PAK3: variants seen among roughly 807,000 people sequenced by gnomAD.
PAK3 encodes serine/threonine-protein kinase PAK 3.
In PAK3, 4 loss-of-function variants were observed where a neutral mutation model predicts 41.0. That is an observed-to-expected ratio of 0.10 (90% CI 0.05 to 0.22). The LOEUF (loss-of-function observed/expected upper bound fraction) is 0.22, where lower values mean the gene tolerates loss of function less well. Ranked by LOEUF, PAK3 falls within the 10% of genes least tolerant of loss-of-function variation. PAK3 has a pLI of 1.00. For synonymous variants in PAK3, 146 were observed against 139.6 expected (o/e 1.05, Z -0.32); for missense variants, 205 against 409.9 (o/e 0.50, Z 4.32).
At chrX:111,104,334 CAG>C (rs1214613376) in intron 4 of PAK3, among the ~76,000 whole-genome samples, 1 of 109,114 alleles carries the variant, frequency 9.2e-6, no homozygotes, top group Non-Finnish European at 1.9e-5. Context: ...AAAAAAAAAA[CAG>C]AAAAACTAAA....
rs139098268 is a variant in PAK3 at position 111,122,454 on chromosome X, C to A, written c.-27-623C>A. ...AACATTTGCCCACCTTTATCTTCTGCCTGCTTGGGAGAATATGGAACATTG... is the reference window on the plus strand; with the variant it reads ...AACATTTGCCCACCTTTATCTTCTGACTGCTTGGGAGAATATGGAACATTG... On this transcript the variant is annotated intron_variant, in intron 4 of 17. Transcript: ENST00000372007. Among the ~76,000 whole-genome samples the A allele has an allele frequency of 8.2e-3, 893 of 108,584 alleles. 6 individuals carry two copies. Among genetic ancestry groups the A allele is most frequent in the Non-Finnish European group, 0.013 (676 of 52,404 alleles). The allele number at this position is 108,584 out of a possible 115,157, so 94.3% of individuals were successfully genotyped here.
At chrX:111,217,003 T>C (rs2094886781) in intron 17 of PAK3, 2 of 752,344 alleles carry the variant, frequency 2.7e-6, no homozygotes, top group African/African-American at 4.6e-5. Context: ...GGCAGGCACC[T>C]GCTTGCCTGG....
chrX:111,038,290 C>T (rs1416891477), intron 1 of PAK3, among the ~76,000 whole-genome samples: 1 of 112,074 alleles, frequency 8.9e-6, no homozygotes, highest in Non-Finnish European at 1.9e-5. Context: ...AATAGATTCA[C>T]GTTCAAATTC....
intron 1 of PAK3, among the ~76,000 whole-genome samples, chrX:111,049,091 A>G (rs2092529924): frequency 9.0e-6 from 1 of 111,512 alleles, no homozygotes; most frequent in Non-Finnish European, 1.9e-5. Flanking sequence ...TAACAAGCCA[A>G]TTAAGGCCTC....
chrX:110,980,325 G>A (rs769556694), intron 1 of PAK3, among the ~76,000 whole-genome samples: 30 of 111,850 alleles, frequency 2.7e-4, no homozygotes, highest in Non-Finnish European at 5.5e-4. Context: ...GGTCATTTGG[G>A]TGGTCATAGT....
intron 1 of PAK3, among the ~76,000 whole-genome samples, chrX:110,971,269 A>G (rs1208029665): frequency 8.9e-6 from 1 of 111,898 alleles, no homozygotes; most frequent in Non-Finnish European, 1.9e-5. Flanking sequence ...GCCATAAACA[A>G]CCACTAGTCT....
intron 16 of PAK3, among the ~76,000 whole-genome samples, chrX:111,214,748 A>T (rs1009986887): frequency 6.3e-5 from 7 of 111,084 alleles, no homozygotes; most frequent in Non-Finnish European, 7.5e-5. Flanking sequence ...AAAACAAGAG[A>T]TGTCTTCAAG....
chrX:111,147,650 G>A, intron 6 of PAK3, 87 bp from the exon 7 acceptor site: 2 of 655,642 alleles, frequency 3.1e-6, no homozygotes, highest in Non-Finnish European at 5.2e-6. Flanking sequence ...GGTAGCATGG[G>A]CTTCTTGGTG....
At chrX:111,040,661 C>A (rs2092444360) in intron 1 of PAK3, among the ~76,000 whole-genome samples, 1 of 111,578 alleles carries the variant, frequency 9.0e-6, no homozygotes, top group African/African-American at 3.3e-5. Flanking sequence ...AATAAGGAAA[C>A]CCCCATAAAG....
chrX:110,951,570 G>A (rs1197009105), intron 1 of PAK3, among the ~76,000 whole-genome samples: 2 of 111,933 alleles, frequency 1.8e-5, no homozygotes, highest in East Asian at 5.6e-4. Context: ...GACGTCTTCT[G>A]ATAATTCAGG....
At chrX:110,988,587 A>G (rs1438004252) in intron 1 of PAK3, among the ~76,000 whole-genome samples, 1 of 111,666 alleles carries the variant, frequency 9.0e-6, no homozygotes, top group Non-Finnish European at 1.9e-5. Flanking sequence ...TGAAATACTC[A>G]TTTCTTATTT....
intron 1 of PAK3, among the ~76,000 whole-genome samples, chrX:110,951,157 G>C (rs1033172198): frequency 9.0e-6 from 1 of 111,446 alleles, no homozygotes; most frequent in Non-Finnish European, 1.9e-5. Flanking sequence ...TCTGATAACT[G>C]GGTTCTCCTT....
upstream of PAK3, among the ~76,000 whole-genome samples, chrX:111,093,365 A>G (rs1260673529): frequency 2.7e-5 from 3 of 112,170 alleles, no homozygotes; most frequent in Admixed American, 2.8e-4. Context: ...CCTGAGAAGT[A>G]GGATACACAT....
At chrX:111,011,425 C>T (rs1013708218) in intron 1 of PAK3, among the ~76,000 whole-genome samples, 3 of 111,625 alleles carry the variant, frequency 2.7e-5, no homozygotes, top group Admixed American at 9.5e-5. Flanking sequence ...ATCTCCCTGG[C>T]ATGCAAGTGG....
intron 16 of PAK3, among the ~76,000 whole-genome samples, chrX:111,215,584 G>A (rs766540985): frequency 3.6e-5 from 4 of 111,564 alleles, no homozygotes; most frequent in South Asian, 3.8e-4. Flanking sequence ...TGAATTAATC[G>A]TAGTCCTGAG....
chrX:111,198,711 A>G (rs1400726391), intron 16 of PAK3, among the ~76,000 whole-genome samples: 1 of 110,531 alleles, frequency 9.0e-6, no homozygotes, highest in Non-Finnish European at 1.9e-5. Context: ...TACCAGTACC[A>G]TGCTGTTTTG....
chrX:111,077,868 C>T (rs759495190), intron 1 of PAK3, among the ~76,000 whole-genome samples: 1 of 111,494 alleles, frequency 9.0e-6, no homozygotes, highest in Admixed American at 9.5e-5. Flanking sequence ...TGACGAGACA[C>T]CCTATGGAAC....
intron 1 of PAK3, among the ~76,000 whole-genome samples, chrX:110,976,967 G>T (rs1262529510): frequency 9.2e-6 from 1 of 108,849 alleles, no homozygotes; most frequent in Non-Finnish European, 1.9e-5. Context: ...AGGGGTTGGG[G>T]GGCTGGGGGA....
chrX:111,048,538 C>T (rs1469241232), intron 1 of PAK3, among the ~76,000 whole-genome samples: 1 of 111,098 alleles, frequency 9.0e-6, no homozygotes, highest in Non-Finnish European at 1.9e-5. Context: ...ACCACATCTG[C>T]ACCAAATTAT....
Sources: allele counts gnomAD v4.1 joint callset (sites outside exome capture counted in the v4.1 genomes callset), GRCh38; gene constraint gnomAD v4.1.1; transcripts MANE v1.5; gene names NCBI Gene and HGNC (gene_info 2026-07-23, HGNC 2026-07-21).